The following USP13 variants were observed in gnomAD, a reference collection of about 807,000 sequenced individuals.
USP13 encodes ubiquitin carboxyl-terminal hydrolase 13.
In USP13, 68 loss-of-function variants were observed where a neutral mutation model predicts 107.8. The ratio of observed to expected loss-of-function variants is 0.63; its 90% CI spans 0.52 to 0.77. The LOEUF (loss-of-function observed/expected upper bound fraction) is 0.77, where lower values mean the gene tolerates loss of function less well. Ranked by LOEUF, USP13 falls within the 30% of genes least tolerant of loss-of-function variation. The probability of loss-of-function intolerance (pLI) is 0.00; values close to 1 mark genes in which losing one functional copy is unlikely to be tolerated. For synonymous variants in USP13, 377 were observed against 389.5 expected, an observed-to-expected ratio of 0.97 and a Z score of 0.38; for missense variants, 945 against 1,093.3, an observed-to-expected ratio of 0.86 and a Z score of 1.91.
intron 1 of USP13, among the ~76,000 whole-genome samples, chr3:179,674,218 G>A (rs1720827777): frequency 6.6e-6 from 1 of 152,172 alleles, no homozygotes; most frequent in African/African-American, 2.4e-5. Context: ...ATAGCAACTT[G>A]ACATTGCAGC....
chr3:179,743,188 T>A (rs1714262190), intron 12 of USP13, among the ~76,000 whole-genome samples: 1 of 151,906 alleles, frequency 6.6e-6, no homozygotes, highest in South Asian at 2.1e-4. Context: ...CACTCATAAG[T>A]GCGAGTTGAA....
chr3:179,776,776 A>G (rs912147464), intron 19 of USP13, among the ~76,000 whole-genome samples: 13 of 152,094 alleles, frequency 8.5e-5, no homozygotes, highest in African/African-American at 3.1e-4. Context: ...AGATAAGATA[A>G]ACATTTCAAA....
Position 179,788,734 on chromosome 3 carries a change from T to C in USP13, c.*4593T>C, listed in dbSNP as rs1322338427. 1 of 152,294 alleles carries C rather than the reference T, an allele frequency of 6.6e-6. No individual in the cohort carries two copies. The highest frequency in any genetic ancestry group is 2.4e-5 in the African/African-American group (1 of 41,560). 9.4% of individuals were successfully genotyped at this position (152,294 alleles called of 1,614,324 possible). A position where few individuals can be genotyped will look rare whatever the true frequency, so the allele number is the denominator to read the frequency against. ...ACATGTGGATAACGTTATACTTCTATTGGACAGCCCCACTCTAGACTTACA... is the reference window on the plus strand; with the variant it reads ...ACATGTGGATAACGTTATACTTCTACTGGACAGCCCCACTCTAGACTTACA... On this transcript the variant is annotated 3_prime_UTR_variant, in exon 21 of 21. Transcript: ENST00000263966.
intron 10 of USP13, among the ~76,000 whole-genome samples, chr3:179,737,376 G>C (rs957154244): frequency 1.3e-5 from 2 of 152,254 alleles, no homozygotes; most frequent in African/African-American, 4.8e-5. Context: ...ACTGTGCCTG[G>C]CACGTAGTCG....
rs71300409 is a variant in USP13 at position 179,784,193 on chromosome 3, C to CAA, written c.*62_*63dup. ...GAAGCCATACGCCTTTTTAATTTGC[C>CAA]AAAAAAAAAAAGAAGAAGAAGAAGT... On this transcript the variant is annotated 3_prime_UTR_variant, in exon 21 of 21. Transcript: ENST00000263966. 3,074 of 1,036,492 alleles carry CAA rather than the reference C, an allele frequency of 3.0e-3. No individual in the cohort carries two copies. Among genetic ancestry groups the CAA allele is most frequent in the Non-Finnish European group, 3.5e-3 (2,572 of 744,038 alleles). 64.2% of individuals were successfully genotyped at this position (1,036,492 alleles called of 1,614,324 possible).
At chr3:179,728,865 G>A (rs996048914) in intron 8 of USP13, among the ~76,000 whole-genome samples, 4 of 151,612 alleles carry the variant, frequency 2.6e-5, no homozygotes, top group African/African-American at 7.3e-5. Flanking sequence ...GCCTACAATC[G>A]CAGGCAGTCG....
chr3:179,679,243 A>T (rs1711565655), intron 1 of USP13, among the ~76,000 whole-genome samples: 1 of 151,622 alleles, frequency 6.6e-6, no homozygotes, highest in Non-Finnish European at 1.5e-5. Context: ...AATTTTAAAC[A>T]AATAAATTTT....
At chr3:179,774,008 AAGG>A (rs1192459998) in intron 19 of USP13, among the ~76,000 whole-genome samples, 2 of 152,172 alleles carry the variant, frequency 1.3e-5, no homozygotes, top group Non-Finnish European at 2.9e-5. Flanking sequence ...TATATAAAAA[AAGG>A]AGGTTTGTTT....
intron 6 of USP13, among the ~76,000 whole-genome samples, chr3:179,716,010 C>T (rs1422185702): frequency 3.3e-5 from 5 of 152,216 alleles, no homozygotes; most frequent in South Asian, 2.1e-4. Flanking sequence ...CAGCAACCTC[C>T]GCCTCCCAGG....
Position 179,653,268 on chromosome 3 carries a change from G to T in USP13, c.43G>T (p.Gly15Ter). 6.4e-7 allele frequency: 1 copy of T among 1,565,270 alleles called. No individual in the cohort carries two copies. Among genetic ancestry groups the T allele is most frequent in the Non-Finnish European group, 8.7e-7 (1 of 1,155,702 alleles). Residue 15 changes from glycine to a stop codon, truncating the protein, a stop_gained, in exon 1 of 21, where the codon GGA (glycine) becomes TGA (stop). Coordinates refer to ENST00000263966, the MANE Select transcript of USP13 (RefSeq NM_003940.3). LOFTEE classifies it high-confidence loss of function. The surrounding 1 kb of genome is among the most constrained non-coding windows in gnomAD (Gnocchi z 4.0). ...GALFGMPGGS[G>*]GRKMAAGDIG... ...CCTGTTCGGCATGCCGGGCGGCAGC[G>T]GAGGCAGGAAGATGGCTGCAGGAGA...
At chr3:179,671,273 T>G (rs1223336691) in intron 1 of USP13, among the ~76,000 whole-genome samples, 1 of 152,150 alleles carries the variant, frequency 6.6e-6, no homozygotes, top group Non-Finnish European at 1.5e-5. Context: ...CACCATGCTT[T>G]ACTTTGAGTA....
rs925938572 is a variant in USP13, at chr3:179,784,258, C to A, written c.*117C>A. ...ATGAAGGAATATATGGGGTATTTAT[C>A]GTTTATTTAAAGAGCACGATCAGTT... On this transcript the variant is annotated 3_prime_UTR_variant, in exon 21 of 21. Coordinates refer to ENST00000263966, the MANE Select transcript of USP13 (RefSeq NM_003940.3). 2 of 780,048 alleles carry A rather than the reference C, an allele frequency of 2.6e-6. No individual in the cohort carries two copies. Among genetic ancestry groups the A allele is most frequent in the African/African-American group, 3.5e-5 (2 of 57,116 alleles). 48.3% of individuals were successfully genotyped at this position (780,048 alleles called of 1,614,324 possible). A position where few individuals can be genotyped will look rare whatever the true frequency, so the allele number is the denominator to read the frequency against.
chr3:179,772,396 C>T (rs1293581719), intron 19 of USP13, among the ~76,000 whole-genome samples: 2 of 152,244 alleles, frequency 1.3e-5, no homozygotes, highest in African/African-American at 4.8e-5. Context: ...CCTGCTCTGG[C>T]TCCTTCAGCC....
chr3:179,675,536 TTTATTATTATTA>T (rs57851865), intron 1 of USP13, among the ~76,000 whole-genome samples: 21 of 146,380 alleles, frequency 1.4e-4, no homozygotes, highest in Admixed American at 5.5e-4. Context: ...TGTAACCTAT[TTTATTATTATTA>T]TTATTATTAT....
intron 11 of USP13, among the ~76,000 whole-genome samples, chr3:179,740,769 C>CTTTTT (rs768697378): frequency 2.6e-4 from 37 of 143,484 alleles, no homozygotes; most frequent in African/African-American, 8.7e-4. Flanking sequence ...CCATTAAAAA[C>CTTTTT]TTTTTTTTTT....
At chr3:179,690,524 C>G (rs956412860) in intron 3 of USP13, among the ~76,000 whole-genome samples, 1 of 152,192 alleles carries the variant, frequency 6.6e-6, no homozygotes, top group Non-Finnish European at 1.5e-5. Flanking sequence ...ATTATACTTA[C>G]AGTGACTTGA....
intron 3 of USP13, among the ~76,000 whole-genome samples, chr3:179,695,763 G>T (rs930421262): frequency 2.6e-5 from 4 of 151,976 alleles, no homozygotes; most frequent in African/African-American, 9.7e-5. Flanking sequence ...TTTTCTGTGT[G>T]TACATCTTTG....
chr3:179,754,826 C>T lies in USP13; in HGVS notation c.1893C>T (p.Pro631=). 1.2e-6 allele frequency: 2 copies of T among 1,612,380 alleles called. No homozygotes were observed. Among genetic ancestry groups the T allele is most frequent in the South Asian group, 1.1e-5 (1 of 90,534 alleles). Residue 631 remains proline, a synonymous_variant, in exon 15 of 21, where the codon CCC becomes CCT. Transcript: ENST00000263966. ...AGGAAGAACTTCCAGACATCAGCCCCCCCATAGTCATTCCTGATGACTCAA... is the reference window on the plus strand; with the variant it reads ...AGGAAGAACTTCCAGACATCAGCCCTCCCATAGTCATTCCTGATGACTCAA... ...PGEEELPDIS[P]PIVIPDDSKD...
intron 19 of USP13, among the ~76,000 whole-genome samples, chr3:179,778,529 C>T (rs1414017822): frequency 6.6e-6 from 1 of 152,092 alleles, no homozygotes; most frequent in African/African-American, 2.4e-5. Context: ...TTTGGGAGGC[C>T]GAAGTGGGTG....
Sources: gnomAD v4.1 joint callset for allele counts (sites outside exome capture counted in the v4.1 genomes callset) on GRCh38, gnomAD v4.1.1 for gene constraint, Gnocchi (gnomAD v3.1) non-coding constraint, MANE v1.5 for transcripts, NCBI Gene and HGNC (gene_info 2026-07-23, HGNC 2026-07-21) for gene names.